The following TBC1D30 variants were observed in gnomAD, a reference collection of about 807,000 sequenced individuals.
TBC1D30 encodes the protein TBC1 domain family member 30, also known as TBC1 domain family, member 30.
A neutral mutation model predicts 63.2 loss-of-function variants in TBC1D30; 31 were observed. That is an observed-to-expected ratio of 0.49 (90% CI 0.37 to 0.66). The LOEUF (loss-of-function observed/expected upper bound fraction) is 0.66, where lower values mean the gene tolerates loss of function less well. Ranked by LOEUF, TBC1D30 falls within the 30% of genes least tolerant of loss-of-function variation. TBC1D30 has a pLI of 0.00. For synonymous variants in TBC1D30, 307 were observed against 361.5 expected, an observed-to-expected ratio of 0.85 and a Z score of 1.71; for missense variants, 810 against 953.6, an observed-to-expected ratio of 0.85 and a Z score of 1.98.
chr12:64,867,552 C>T (rs1878327742), intron 10 of TBC1D30, among the ~76,000 whole-genome samples: 1 of 151,838 alleles, frequency 6.6e-6, no homozygotes, highest in African/African-American at 2.4e-5. Context: ...GTGTTGCATG[C>T]GTAGTACACA....
In TBC1D30 at chr12:64,878,305, C is replaced by CA. The variant is rs1480393452; in HGVS notation, c.*2518dup. ...GAAACCTGCAGTAGCCTCTACCACA[C>CA]AGCATGTACAAAGACCAGTATGGAC... On this transcript the variant is annotated 3_prime_UTR_variant, in exon 12 of 12. Coordinates refer to ENST00000539867, the MANE Select transcript of TBC1D30 (RefSeq NM_015279.2). The CA allele has an allele frequency of 2.7e-6, 1 of 368,570 alleles. No individual in the cohort carries two copies. The highest frequency in any genetic ancestry group is 2.1e-5 in the African/African-American group (1 of 47,164). The allele number at this position is 368,570 out of a possible 1,614,324, so 22.8% of individuals were successfully genotyped here. A position where few individuals can be genotyped will look rare whatever the true frequency, so the allele number is the denominator to read the frequency against.
chr12:64,829,768 G>A (rs1209592025), intron 3 of TBC1D30, among the ~76,000 whole-genome samples: 5 of 152,080 alleles, frequency 3.3e-5, no homozygotes, highest in African/African-American at 1.2e-4. Flanking sequence ...AAAATTGAGG[G>A]TTCCTCAAAA....
chr12:64,760,593 G>T (rs1870465847), intron 1 of TBC1D30, among the ~76,000 whole-genome samples: 1 of 151,908 alleles, frequency 6.6e-6, no homozygotes, highest in Non-Finnish European at 1.5e-5. Flanking sequence ...GATATTCCTG[G>T]CAAGGTGAAC....
intron 1 of TBC1D30, among the ~76,000 whole-genome samples, chr12:64,760,911 G>A (rs1870484852): frequency 6.6e-6 from 1 of 151,674 alleles, no homozygotes; most frequent in Non-Finnish European, 1.5e-5. Context: ...GTTTGAGGTA[G>A]GGGTGGTAAC....
At chr12:64,849,595 T>G (rs989703624) in intron 8 of TBC1D30, among the ~76,000 whole-genome samples, 2 of 152,190 alleles carry the variant, frequency 1.3e-5, no homozygotes, top group African/African-American at 2.4e-5. Flanking sequence ...ATGTGTGGTG[T>G]TATTTCTGAG....
Position 64,843,496 on chromosome 12 carries a change from A to G in TBC1D30, c.1038+11A>G. On this transcript the variant is annotated intron_variant, in intron 8 of 11. Coordinates refer to ENST00000539867, the MANE Select transcript of TBC1D30 (RefSeq NM_015279.2). ...CATGAACTCATGCAGGTGAGTCGGC[A>G]ACATGGAGCAGCTTGGCTCGGGGAA... The G allele has an allele frequency of 6.5e-7, 1 of 1,534,594 alleles. No individual in the cohort carries two copies. The highest frequency in any genetic ancestry group is 8.7e-7 in the Non-Finnish European group (1 of 1,145,618).
chr12:64,870,790 C>G lies in TBC1D30; in HGVS notation c.1480C>G (p.Gln494Glu). The change falls in exon 11 of 12, where the codon CAG becomes GAG. Residue 494 changes from glutamine to glutamate, a missense_variant. Around this residue, in one of 4 missense-constraint regions of TBC1D30, gnomAD observed 450 missense variants for 473.0 expected, o/e 0.95. Transcript: ENST00000539867. ...IKKKQQQQVH[Q>E]VYIRADKGPV... Reference sequence around the variant, plus strand: ...AAAGAAGCAACAGCAGCAGGTTCATCAGGTGTACATCAGGGCAGGTAATGT... The same window carrying G: ...AAAGAAGCAACAGCAGCAGGTTCATGAGGTGTACATCAGGGCAGGTAATGT... 1 of 1,536,038 alleles carries G rather than the reference C, an allele frequency of 6.5e-7. No individual in the cohort carries two copies.
In TBC1D30 at chr12:64,857,879, C is replaced by T. The variant is rs139070415; in HGVS notation, c.1039-6789C>T. 4.3e-3 allele frequency among the ~76,000 whole-genome samples: 652 copies of T among 152,298 alleles called. 4 individuals carry two copies. Among genetic ancestry groups the T allele is most frequent in the African/African-American group, 0.015 (616 of 41,562 alleles). Reference sequence around the variant, plus strand: ...TTTGCTCTCCATTGTGGCAGAGCAGCACTGAGTTCAATGTAAAGTCCTCTA... The same window carrying T: ...TTTGCTCTCCATTGTGGCAGAGCAGTACTGAGTTCAATGTAAAGTCCTCTA... On this transcript the variant is annotated intron_variant, in intron 8 of 11. Transcript: ENST00000539867.
intron 1 of TBC1D30, among the ~76,000 whole-genome samples, chr12:64,760,736 T>TA (rs542361292): frequency 0.078 from 10,870 of 138,934 alleles, 1,350 homozygotes; most frequent in African/African-American, 0.27. Flanking sequence ...CTTAAAGTAT[T>TA]AAAAAAAAAA....
chr12:64,845,147 T>C (rs1876250183), intron 8 of TBC1D30, among the ~76,000 whole-genome samples: 1 of 152,210 alleles, frequency 6.6e-6, no homozygotes, highest in African/African-American at 2.4e-5. Flanking sequence ...AGGGAATTTT[T>C]GGATCATATG....
At chr12:64,765,604 G>A (rs958296402) in intron 1 of TBC1D30, among the ~76,000 whole-genome samples, 2 of 150,888 alleles carry the variant, frequency 1.3e-5, no homozygotes, top group African/African-American at 4.9e-5. Flanking sequence ...ATAAATGACA[G>A]GGATGAAGAA....
rs117576494 is a variant in TBC1D30 at position 64,840,757 on chromosome 12, G to A, written c.932+1906G>A. 7.4e-3 allele frequency among the ~76,000 whole-genome samples: 1,122 copies of A among 152,282 alleles called. 4 individuals carry two copies. Among genetic ancestry groups the A allele is most frequent in the Middle Eastern group, 0.031 (9 of 294 alleles). On this transcript the variant is annotated intron_variant, in intron 7 of 11. Coordinates refer to ENST00000539867, the MANE Select transcript of TBC1D30 (RefSeq NM_015279.2). ...CTAGAGTCTGTGCTTTTAATAATGT[G>A]AATCTACTGATAATAAATGGCTGGT...
At position 64,824,991 on chromosome 12, in the gene TBC1D30, A is replaced by T. The variant is rs1234097161; in HGVS notation, c.112A>T (p.Ile38Phe). Residue 38 changes from isoleucine to phenylalanine, a missense_variant, in exon 1 of 12, where the codon ATT (isoleucine) becomes TTT (phenylalanine). This residue lies in a region of TBC1D30 where 272 missense variants were observed against 335.9 expected (regional missense o/e 0.81). Transcript: ENST00000539867. Reference sequence around the variant, plus strand: ...CAATGTGCTCAAGAAGCGCAGCTGCATTTCCCGGACCGCGCCCCGGCTGCT... The same window carrying T: ...CAATGTGCTCAAGAAGCGCAGCTGCTTTTCCCGGACCGCGCCCCGGCTGCT... ...LSNVLKKRSC[I>F]SRTAPRLLCT... is the part of the protein sequence containing the mutation. 7 of 1,534,228 alleles carry T rather than the reference A, an allele frequency of 4.6e-6. No homozygotes were observed. The highest frequency in any genetic ancestry group is 6.1e-6 in the Non-Finnish European group (7 of 1,146,446).
intron 1 of TBC1D30, among the ~76,000 whole-genome samples, chr12:64,775,104 A>ATAT (rs200672895): frequency 4.7e-5 from 7 of 147,960 alleles, no homozygotes; most frequent in African/African-American, 9.9e-5. Context: ...AAAAAAAAAA[A>ATAT]ATATATATAT....
upstream of TBC1D30, among the ~76,000 whole-genome samples, chr12:64,823,321 G>A (rs567156521): frequency 6.6e-6 from 1 of 152,266 alleles, no homozygotes; most frequent in East Asian, 1.9e-4. Flanking sequence ...AACTGTTGAT[G>A]TACAGTCATA....
exon 1 of TBC1D30, chr12:64,781,023 G>A (rs1249930480): frequency 9.7e-7 from 1 of 1,032,622 alleles, no homozygotes; most frequent in Non-Finnish European, 1.2e-6. Flanking sequence ...GAGGCGTGCG[G>A]CGGCCGCACA....
chr12:64,872,031 TTG>T (rs1878697392), intron 11 of TBC1D30, among the ~76,000 whole-genome samples: 1 of 152,142 alleles, frequency 6.6e-6, no homozygotes, highest in Non-Finnish European at 1.5e-5. Context: ...AGTTTTTTGT[TTG>T]TTTGTTTGTT....
At chr12:64,843,724 A>G (rs992317228) in intron 8 of TBC1D30, among the ~76,000 whole-genome samples, 2 of 152,260 alleles carry the variant, frequency 1.3e-5, no homozygotes, top group African/African-American at 4.8e-5. Flanking sequence ...AGTCATTAGC[A>G]GCAATATAAA....
intron 2 of TBC1D30, among the ~76,000 whole-genome samples, chr12:64,801,403 T>C (rs1425313366): frequency 6.6e-6 from 1 of 152,208 alleles, no homozygotes; most frequent in Admixed American, 6.5e-5. Flanking sequence ...GGCTTAGCGC[T>C]TATGAACAAC....
Sources: gnomAD v4.1 joint callset for allele counts (sites outside exome capture counted in the v4.1 genomes callset) on GRCh38, gnomAD v4.1.1 for gene constraint, gnomAD v4.1.1 regional missense constraint, MANE v1.5 for transcripts, NCBI Gene and HGNC (gene_info 2026-07-23, HGNC 2026-07-21) for gene names.